The following SULF2 variants were observed in gnomAD, a reference collection of about 807,000 sequenced individuals.
The protein encoded by SULF2 is extracellular sulfatase Sulf-2.
In SULF2, 52 loss-of-function variants were observed where a neutral mutation model predicts 107.7. That is an observed-to-expected ratio of 0.48 (90% CI 0.39 to 0.61). SULF2 has a LOEUF of 0.61. Ranked by LOEUF, SULF2 falls within the 20% of genes least tolerant of loss-of-function variation. The pLI is 0.00. For missense variants in SULF2, 993 were observed against 1,177.3 expected, an observed-to-expected ratio of 0.84 and a Z score of 2.29; for synonymous variants, 460 against 464.3, an observed-to-expected ratio of 0.99 and a Z score of 0.12.
At chr20:47,759,384 C>T (rs1322888452) in intron 1 of SULF2, among the ~76,000 whole-genome samples, 2 of 152,148 alleles carry the variant, frequency 1.3e-5, no homozygotes, top group Admixed American at 6.5e-5. Context: ...GGTCTTTGCA[C>T]CTGCTCTTTT....
At chr20:47,672,437 C>A in intron 10 of SULF2, 44 bp from the exon 11 acceptor site, 1 of 1,492,522 alleles carries the variant, frequency 6.7e-7, no homozygotes. Flanking sequence ...CATCTGCTCC[C>A]CTAAACCCGC....
intron 4 of SULF2, among the ~76,000 whole-genome samples, chr20:47,697,923 G>C (rs777171618): frequency 7.2e-5 from 11 of 152,242 alleles, no homozygotes; most frequent in Non-Finnish European, 1.3e-4. Flanking sequence ...CACTGAGGCT[G>C]GGAGGAGGGA....
At chr20:47,707,317 C>G (rs1236227728) in intron 3 of SULF2, among the ~76,000 whole-genome samples, 1 of 152,000 alleles carries the variant, frequency 6.6e-6, no homozygotes, top group Non-Finnish European at 1.5e-5. Context: ...CTTCTTTTTT[C>G]TCCATTTTCC....
At chr20:47,714,781 C>T (rs2089057663) in intron 3 of SULF2, among the ~76,000 whole-genome samples, 1 of 152,152 alleles carries the variant, frequency 6.6e-6, no homozygotes, top group Admixed American at 6.5e-5. Flanking sequence ...CTGGGGTCTC[C>T]CTCTATCCTA....
chr20:47,678,601 C>A lies in SULF2; in HGVS notation c.1193+75G>T. The A allele has an allele frequency of 6.3e-7, 1 of 1,584,360 alleles. No homozygotes were observed. Among genetic ancestry groups the A allele is most frequent in the Non-Finnish European group, 8.6e-7 (1 of 1,162,332 alleles). On this transcript the variant is annotated intron_variant, in intron 8 of 20. Coordinates refer to ENST00000688720, the MANE Select transcript of SULF2 (RefSeq NM_001387048.1). This position sits in a 1 kb window ranked among gnomAD's most constrained non-coding sequence, Gnocchi z 4.5. ...ACCCTTGGAGACCCCACGTTCTAGACCCACAGGGTTTTGCTCTGAGTTCCC... is the reference window on the plus strand; with the variant it reads ...ACCCTTGGAGACCCCACGTTCTAGAACCACAGGGTTTTGCTCTGAGTTCCC...
At chr20:47,715,457 G>C (rs1410777029) in intron 3 of SULF2, among the ~76,000 whole-genome samples, 1 of 152,136 alleles carries the variant, frequency 6.6e-6, no homozygotes, top group Non-Finnish European at 1.5e-5. Flanking sequence ...CTCACATCTA[G>C]AACAGAGCTT....
chr20:47,742,203 A>G (rs2089900862), intron 2 of SULF2, among the ~76,000 whole-genome samples: 1 of 152,228 alleles, frequency 6.6e-6, no homozygotes, highest in Non-Finnish European at 1.5e-5. Flanking sequence ...ACACAAAAAC[A>G]TATGATCTCA....
chr20:47,734,551 A>C (rs988516202), intron 3 of SULF2, among the ~76,000 whole-genome samples: 22 of 152,286 alleles, frequency 1.4e-4, no homozygotes, highest in Non-Finnish European at 2.5e-4. Flanking sequence ...TAAAACTCAA[A>C]CCTGAGCTTC....
chr20:47,663,093 C>G lies in SULF2; in HGVS notation c.2347G>C (p.Asp783His). ...ACCTGGTAGGGGTCTGTGTTGAGATCAAAGTACTCTAGGAAGCCAGTTGCA... is the reference window on the plus strand; with the variant it reads ...ACCTGGTAGGGGTCTGTGTTGAGATGAAAGTACTCTAGGAAGCCAGTTGCA... ...EFATGFLEYFDLNTDPYQLMN... is the reference protein window; with the variant it reads ...EFATGFLEYFHLNTDPYQLMN... Residue 783 changes from aspartate (D) to histidine (H), a missense_variant, in exon 17 of 21, where the codon GAT (aspartate) becomes CAT (histidine). Asp to His is a moderately conservative substitution (Grantham distance 81, BLOSUM62 -1). Transcript: ENST00000688720. The G allele has an allele frequency of 1.2e-6, 2 of 1,614,096 alleles. No individual in the cohort carries two copies. Among genetic ancestry groups the G allele is most frequent in the South Asian group, 1.1e-5 (1 of 91,070 alleles).
At position 47,678,707 on chromosome 20, in the gene SULF2, T is replaced by C; in HGVS notation, c.1162A>G (p.Lys388Glu). The change falls in exon 8 of 21, where the codon AAG (lysine) becomes GAG (glutamate). Residue 388 changes from lysine (K) to glutamate (E), a missense_variant. Transcript: ENST00000688720. This position sits in a 1 kb window ranked among gnomAD's most constrained non-coding sequence, Gnocchi z 4.5. ...ACCGGCCGCTCCGTGTCCAGCAGCT[T>C]GAGGATGGATTTCCCGTCCATATCC... ...PADMDGKSIL[K>E]LLDTERPVNR... 1 of 1,613,856 alleles carries C rather than the reference T, an allele frequency of 6.2e-7. No individual in the cohort carries two copies. The highest frequency in any genetic ancestry group is 8.5e-7 in the Non-Finnish European group (1 of 1,179,948).
chr20:47,735,556 G>A (rs1386538763), intron 3 of SULF2, among the ~76,000 whole-genome samples: 1 of 152,142 alleles, frequency 6.6e-6, no homozygotes, highest in Non-Finnish European at 1.5e-5. Context: ...ATCTAGGGTG[G>A]TGGCCATGGT....
In SULF2 at chr20:47,676,793, T is replaced by A; in HGVS notation, c.1251-170A>T. ...CTGATGTTTAGGAAACTTAAGACAT[T>A]GGAATTTTATAAGAAACTTCCCAAA... On this transcript the variant is annotated intron_variant, in intron 9 of 20. Coordinates refer to ENST00000688720, the MANE Select transcript of SULF2 (RefSeq NM_001387048.1). 3.8e-6 allele frequency: 3 copies of A among 780,362 alleles called. 1 individual carries two copies. Among genetic ancestry groups the A allele is most frequent in the Non-Finnish European group, 6.0e-6 (3 of 502,730 alleles). 48.3% of individuals were successfully genotyped at this position (780,362 alleles called of 1,614,324 possible).
chr20:47,752,438 TG>T lies in SULF2; in HGVS notation c.175+4750del, dbSNP rs1224887525. Among the ~76,000 whole-genome samples, 222 of 152,194 alleles carry T rather than the reference TG, an allele frequency of 1.5e-3. 3 individuals are homozygous for T. The highest frequency in any genetic ancestry group is 5.6e-3 in the East Asian group (29 of 5,170). ...TACTCGGAGTATTTTCATTTAAAGA[TG>T]TTCTGATAGGCTGGGTGCAGCGGCT... On this transcript the variant is annotated intron_variant, in intron 2 of 20. Coordinates refer to ENST00000688720, the MANE Select transcript of SULF2 (RefSeq NM_001387048.1).
chr20:47,676,046 T>C (rs1602615646), intron 10 of SULF2, among the ~76,000 whole-genome samples: 1 of 152,180 alleles, frequency 6.6e-6, no homozygotes, highest in Non-Finnish European at 1.5e-5. Context: ...ATAATTTCCT[T>C]AATATTTCTC....
rs749918899 is a variant in SULF2 at position 47,684,494 on chromosome 20, G to A, written c.825C>T (p.Phe275=). 29 of 1,614,050 alleles carry A rather than the reference G, an allele frequency of 1.8e-5. No individual in the cohort carries two copies. Among genetic ancestry groups the A allele is most frequent in the Admixed American group, 6.7e-5 (4 of 60,002 alleles). The change falls in exon 6 of 21, where the codon TTC becomes TTT. Residue 275 remains phenylalanine (F), a synonymous_variant. Transcript: ENST00000688720. ...AGCGCTTCCGCTGGAGCATGTTGGT[G>A]AATTCCATGTGGATGGGCTTCATGG... The part of the protein sequence containing the change: ...TGPMKPIHME[F]TNMLQRKRLQ...
At chr20:47,723,394 G>T (rs2089349475) in intron 3 of SULF2, among the ~76,000 whole-genome samples, 1 of 152,208 alleles carries the variant, frequency 6.6e-6, no homozygotes. Context: ...AAGGAAGAGA[G>T]AATGGATGGA....
At chr20:47,740,434 G>T (rs1260167903) in intron 2 of SULF2, among the ~76,000 whole-genome samples, 1 of 152,160 alleles carries the variant, frequency 6.6e-6, no homozygotes, top group East Asian at 1.9e-4. Flanking sequence ...CCAGAAGGGG[G>T]TCCTCTAGTG....
intron 3 of SULF2, among the ~76,000 whole-genome samples, chr20:47,732,151 C>A (rs1022765891): frequency 5.3e-5 from 8 of 152,216 alleles, no homozygotes; most frequent in African/African-American, 1.9e-4. Context: ...CCACTTTGGC[C>A]CCCCAAAATG....
chr20:47,722,339 C>T (rs915581412), intron 3 of SULF2, among the ~76,000 whole-genome samples: 1 of 152,146 alleles, frequency 6.6e-6, no homozygotes, highest in African/African-American at 2.4e-5. Context: ...TGGCTCCCTG[C>T]GGCCTTAAAG....
Sources: gnomAD v4.1 joint callset for allele counts (sites outside exome capture counted in the v4.1 genomes callset) on GRCh38, gnomAD v4.1.1 for gene constraint, Gnocchi (gnomAD v3.1) non-coding constraint, MANE v1.5 for transcripts, NCBI Gene and HGNC (gene_info 2026-07-23, HGNC 2026-07-21) for gene names.